The following PTK2B variants were observed in gnomAD, a reference collection of about 807,000 sequenced individuals.
The protein encoded by PTK2B is protein tyrosine kinase 2 beta.
Under a neutral mutation model 142.9 loss-of-function variants are expected in PTK2B, and 71 were observed. That is an observed-to-expected ratio of 0.50 (90% CI 0.41 to 0.61). The LOEUF (loss-of-function observed/expected upper bound fraction) is 0.61. Ranked by LOEUF, PTK2B falls within the 20% of genes least tolerant of loss-of-function variation. PTK2B has a pLI of 0.00. For missense variants in PTK2B, 1,105 were observed against 1,320.4 expected (o/e 0.84, Z 2.53); for synonymous variants, 519 against 503.4 (o/e 1.03, Z -0.42).
At chr8:27,334,607 GTTC>G (rs1473442824) in intron 1 of PTK2B, among the ~76,000 whole-genome samples, 2 of 152,114 alleles carry the variant, frequency 1.3e-5, no homozygotes, top group Non-Finnish European at 2.9e-5. Flanking sequence ...CTTTTATTTT[GTTC>G]TTCTTCCTTA....
chr8:27,317,334 T>G (rs942001475), intron 3 of PTK2B, among the ~76,000 whole-genome samples: 6 of 152,248 alleles, frequency 3.9e-5, no homozygotes, highest in African/African-American at 1.4e-4. Context: ...TTACCTGAGA[T>G]ACATTAGGGG....
At chr8:27,327,058 C>CTGAA (rs1803462623) in intron 1 of PTK2B, among the ~76,000 whole-genome samples, 1 of 152,036 alleles carries the variant, frequency 6.6e-6, no homozygotes, top group Non-Finnish European at 1.5e-5. Flanking sequence ...AAATTGAGAG[C>CTGAA]TGAAGGATGA....
chr8:27,313,645 T>G (rs1193163464), intron 3 of PTK2B, among the ~76,000 whole-genome samples: 1 of 152,118 alleles, frequency 6.6e-6, no homozygotes, highest in African/African-American at 2.4e-5. Flanking sequence ...CACCATGTGC[T>G]TAGGAATTTG....
At chr8:27,421,288 A>G (rs926185776) in intron 4 of PTK2B, among the ~76,000 whole-genome samples, 2 of 63,396 alleles carry the variant, frequency 3.2e-5, no homozygotes, top group Non-Finnish European at 8.8e-5. Flanking sequence ...CTATTTATTT[A>G]TTTATTTATT....
At position 27,395,089 on chromosome 8, in the gene PTK2B, G is replaced by A. The variant is rs151081829; in HGVS notation, c.-37-2459G>A. Among the ~76,000 whole-genome samples, 825 of 152,178 alleles carry A rather than the reference G, an allele frequency of 5.4e-3. 5 individuals are homozygous for A. The highest frequency in any genetic ancestry group is 0.019 in the African/African-American group (774 of 41,488). On this transcript the variant is annotated intron_variant, in intron 1 of 30. Coordinates refer to ENST00000346049, the MANE Select transcript of PTK2B (RefSeq NM_173176.3). ...TAACTTTTTTTTTTATAAGTAGAAG[G>A]AGTATACTCTAAAATAATGATAAAA...
At chr8:27,429,091 G>C (rs577490997) in intron 5 of PTK2B, among the ~76,000 whole-genome samples, 6 of 152,114 alleles carry the variant, frequency 3.9e-5, no homozygotes, top group Non-Finnish European at 8.8e-5. Context: ...GTTTTTAGTA[G>C]AGACAAGGTT....
intron 3 of PTK2B, among the ~76,000 whole-genome samples, chr8:27,317,999 T>G (rs1024137342): frequency 7.9e-5 from 12 of 152,048 alleles, no homozygotes; most frequent in Admixed American, 7.2e-4. Context: ...TATTTTGTGG[T>G]TTTTTTTCTC....
At chr8:27,316,945 T>G (rs1803108028) in intron 3 of PTK2B, among the ~76,000 whole-genome samples, 1 of 152,192 alleles carries the variant, frequency 6.6e-6, no homozygotes. Flanking sequence ...ATTTAAGCCA[T>G]AAGGGGGTGT....
chr8:27,389,274 A>C (rs1326650742), intron 1 of PTK2B, among the ~76,000 whole-genome samples: 1 of 152,064 alleles, frequency 6.6e-6, no homozygotes, highest in East Asian at 1.9e-4. Flanking sequence ...GGAAGGAAAG[A>C]AGAAAGGAGG....
At chr8:27,361,537 T>A (rs2130770381) in intron 1 of PTK2B, among the ~76,000 whole-genome samples, 1 of 152,230 alleles carries the variant, frequency 6.6e-6, no homozygotes, top group Non-Finnish European at 1.5e-5. Context: ...ATTTGGCTCT[T>A]TAAAGGAAAG....
intron 2 of PTK2B, among the ~76,000 whole-genome samples, chr8:27,417,124 T>C (rs1421311983): frequency 1.3e-5 from 2 of 152,236 alleles, no homozygotes; most frequent in Non-Finnish European, 2.9e-5. Context: ...GTCACAAAAA[T>C]ACTTGCACAT....
chr8:27,439,873 C>T (rs889263403), intron 20 of PTK2B, among the ~76,000 whole-genome samples: 13 of 152,234 alleles, frequency 8.5e-5, no homozygotes, highest in African/African-American at 2.6e-4. Context: ...GGAGCCTGCC[C>T]GCAATCACAC....
At chr8:27,407,546 A>G (rs570322100) in intron 2 of PTK2B, among the ~76,000 whole-genome samples, 166 of 152,174 alleles carry the variant, frequency 1.1e-3, no homozygotes, top group Admixed American at 3.8e-3. Context: ...CCCTTTCTTC[A>G]GGGATTGCTT....
chr8:27,312,777 T>C lies in PTK2B; in HGVS notation c.-497+390T>C, dbSNP rs532841319. On this transcript the variant is annotated intron_variant, in intron 2 of 35. Transcript: ENST00000397501. ...GTCTTGAAACCTTAAAATATTACTC[T>C]TTCTCTCTGCCTTTCTGTGGAATAA... 3.6e-4 allele frequency among the ~76,000 whole-genome samples: 55 copies of C among 152,316 alleles called. 1 individual carries two copies. Among genetic ancestry groups the C allele is most frequent in the African/African-American group, 1.3e-3 (55 of 41,570 alleles).
chr8:27,396,699 A>C (rs1451291469), intron 1 of PTK2B, among the ~76,000 whole-genome samples: 1 of 152,096 alleles, frequency 6.6e-6, no homozygotes. Flanking sequence ...GATAAACCCT[A>C]CTCTACTGAG....
chr8:27,364,141 G>A (rs1805881485), intron 1 of PTK2B, among the ~76,000 whole-genome samples: 1 of 152,236 alleles, frequency 6.6e-6, no homozygotes, highest in Non-Finnish European at 1.5e-5. Context: ...AAATAAGTCT[G>A]TGCATGACTA....
upstream of PTK2B, chr8:27,310,974 C>G: frequency 6.2e-7 from 1 of 1,612,202 alleles, no homozygotes; most frequent in Non-Finnish European, 8.5e-7. Flanking sequence ...CGCGCGCCCT[C>G]GGCCTCCTCG....
chr8:27,349,476 G>A (rs1457328253), intron 1 of PTK2B, among the ~76,000 whole-genome samples: 4 of 152,168 alleles, frequency 2.6e-5, no homozygotes, highest in African/African-American at 9.7e-5. Context: ...CAAACTTCAA[G>A]CTAAAGCCAG....
In PTK2B at chr8:27,363,419, A is replaced by C. The variant is rs949877099; in HGVS notation, c.-37-34129A>C. ...GTTACAGAAAAGTAGATTTGGGATG[A>C]ATATAAAGGAAGGTTTTTTAATAAT... On this transcript the variant is annotated intron_variant, in intron 1 of 30. Transcript: ENST00000346049. The surrounding 1 kb of genome is among the most constrained non-coding windows in gnomAD (Gnocchi z 4.3). 6.6e-6 allele frequency among the ~76,000 whole-genome samples: 1 copy of C among 152,128 alleles called. No individual in the cohort carries two copies. The highest frequency in any genetic ancestry group is 2.4e-5 in the African/African-American group (1 of 41,430).
Sources: gnomAD v4.1 joint callset for allele counts (sites outside exome capture counted in the v4.1 genomes callset) on GRCh38, gnomAD v4.1.1 for gene constraint, Gnocchi (gnomAD v3.1) non-coding constraint, MANE v1.5 for transcripts, NCBI Gene and HGNC (gene_info 2026-07-23, HGNC 2026-07-21) for gene names.